DMD: variants seen among roughly 807,000 people sequenced by gnomAD.
DMD encodes the protein dystrophin, also known as mutant dystrophin.
In DMD, 63 loss-of-function variants were observed where a neutral mutation model predicts 330.1. The observed-to-expected ratio is 0.19, with a 90% CI of 0.16 to 0.24. The LOEUF (loss-of-function observed/expected upper bound fraction) is 0.24. DMD is among the 10% of genes least tolerant of loss of function. The pLI, the probability that DMD is intolerant of heterozygous loss-of-function variation, is 1.00. For synonymous variants in DMD, 1,223 were observed against 959.8 expected (o/e 1.27, Z -5.07); for missense variants, 3,344 against 2,684.1 (o/e 1.25, Z -5.43).
At chrX:31,924,104 T>C (rs2094733454) in intron 47 of DMD, among the ~76,000 whole-genome samples, 1 of 111,635 alleles carries the variant, frequency 9.0e-6, no homozygotes, top group Non-Finnish European at 1.9e-5. Flanking sequence ...AGCATTTTTT[T>C]TTCCGGGGTT....
chrX:33,087,290 A>C (rs1370087293), intron 1 of DMD, among the ~76,000 whole-genome samples: 7 of 112,608 alleles, frequency 6.2e-5, no homozygotes, highest in African/African-American at 2.3e-4. Flanking sequence ...TCTTGGTATA[A>C]AAAAGCAATA....
At chrX:32,861,534 A>C (rs2082073368) in intron 2 of DMD, among the ~76,000 whole-genome samples, 1 of 111,820 alleles carries the variant, frequency 8.9e-6, no homozygotes, top group African/African-American at 3.3e-5. Context: ...AAATGAGGGA[A>C]GGTATAATGA....
intron 74 of DMD, among the ~76,000 whole-genome samples, chrX:31,161,788 C>G (rs188558231): frequency 1.8e-5 from 2 of 111,403 alleles, no homozygotes; most frequent in Non-Finnish European, 3.8e-5. Context: ...AATCCTCCCC[C>G]CCGTCAAAAA....
At chrX:32,380,726 C>T in intron 33 of DMD, 46 bp from the exon 34 acceptor site, 9 of 1,115,233 alleles carry the variant, frequency 8.1e-6, no homozygotes, top group Non-Finnish European at 1.1e-5. Flanking sequence ...CTCTTTAATT[C>T]AAATTTCGTT....
At chrX:32,491,949 G>T (rs1371974807) in intron 19 of DMD, among the ~76,000 whole-genome samples, 5 of 111,420 alleles carry the variant, frequency 4.5e-5, no homozygotes, top group Admixed American at 1.9e-4. Flanking sequence ...TTTTAAAAAT[G>T]GGCTTGGAAA....
rs548117972 is a variant in DMD, at chrX:32,599,276, G to A, written c.1483-3400C>T. The stretch of plus-strand genomic sequence containing the variant: ...AACGTTCAGGGTTTACTTTTACACT[G>A]ATTCTTACAAGTAGCAGAAACGCCA... On this transcript the variant is annotated intron_variant, in intron 12 of 78. Transcript: ENST00000357033. Among the ~76,000 whole-genome samples the A allele has an allele frequency of 5.1e-4, 57 of 111,450 alleles. 1 individual carries two copies. The highest frequency in any genetic ancestry group is 4.6e-3 in the Middle Eastern group (1 of 218).
intron 45 of DMD, among the ~76,000 whole-genome samples, chrX:31,960,192 T>G (rs180716647): frequency 9.0e-6 from 1 of 111,079 alleles, no homozygotes; most frequent in African/African-American, 3.3e-5. Flanking sequence ...AGGACAATTT[T>G]AATAATAAGA....
At chrX:32,055,698 G>A (rs907084230) in intron 44 of DMD, among the ~76,000 whole-genome samples, 7 of 111,628 alleles carry the variant, frequency 6.3e-5, no homozygotes, top group Non-Finnish European at 9.5e-5. Flanking sequence ...AATAGTAGAC[G>A]TGATGTGAGG....
chrX:32,383,837 T>A (rs1402830071), intron 33 of DMD, among the ~76,000 whole-genome samples: 1 of 109,961 alleles, frequency 9.1e-6, no homozygotes, highest in Non-Finnish European at 1.9e-5. Flanking sequence ...AATGTCACTT[T>A]CATTGCTTTA....
intron 18 of DMD, among the ~76,000 whole-genome samples, chrX:32,516,225 G>A (rs922178217): frequency 2.7e-5 from 3 of 111,565 alleles, no homozygotes; most frequent in African/African-American, 6.5e-5. Context: ...ATCCATCATC[G>A]TAATTATGTA....
At chrX:32,937,026 C>T (rs1314110295) in intron 2 of DMD, among the ~76,000 whole-genome samples, 2 of 110,991 alleles carry the variant, frequency 1.8e-5, no homozygotes, top group Non-Finnish European at 3.8e-5. Context: ...ATCAGAGTCC[C>T]GGTAGAAACT....
At chrX:32,291,445 C>T (rs1171621662) in intron 42 of DMD, among the ~76,000 whole-genome samples, 1 of 111,389 alleles carries the variant, frequency 9.0e-6, no homozygotes, top group Non-Finnish European at 1.9e-5. Context: ...ATATATAATA[C>T]CATTAACACA....
chrX:32,485,728 C>T (rs1352211524), intron 20 of DMD, among the ~76,000 whole-genome samples: 1 of 47,030 alleles, frequency 2.1e-5, no homozygotes, highest in East Asian at 1.2e-3. Flanking sequence ...AAACAGGCAA[C>T]CACTGCTTTT....
At chrX:32,128,594 T>G (rs2146879316) in intron 44 of DMD, among the ~76,000 whole-genome samples, 1 of 112,117 alleles carries the variant, frequency 8.9e-6, no homozygotes, top group Admixed American at 9.5e-5. Context: ...CATTCAAAAC[T>G]ATTGAGTTGC....
chrX:31,817,020 T>C (rs778958246), intron 50 of DMD, among the ~76,000 whole-genome samples: 49 of 111,725 alleles, frequency 4.4e-4, no homozygotes, highest in African/African-American at 1.6e-3. Flanking sequence ...GCTTGACATG[T>C]GGACTGAAAC....
intron 17 of DMD, among the ~76,000 whole-genome samples, chrX:32,526,821 G>A (rs2046979702): frequency 8.9e-6 from 1 of 112,265 alleles, no homozygotes; most frequent in Non-Finnish European, 1.9e-5. Context: ...TGCTAATTAT[G>A]TCAGAAGAGC....
intron 7 of DMD, among the ~76,000 whole-genome samples, chrX:32,780,295 T>A (rs1407802146): frequency 1.8e-5 from 2 of 112,537 alleles, no homozygotes; most frequent in African/African-American, 6.5e-5. Context: ...GACATTCTTA[T>A]GCCCGACAGA....
chrX:32,835,981 T>C (rs1354701357), intron 4 of DMD, among the ~76,000 whole-genome samples: 1 of 111,016 alleles, frequency 9.0e-6, no homozygotes, highest in African/African-American at 3.3e-5. Flanking sequence ...GATTTTCTAT[T>C]AGCAATTATC....
At chrX:32,818,088 A>G (rs2077907499) in intron 5 of DMD, among the ~76,000 whole-genome samples, 1 of 112,006 alleles carries the variant, frequency 8.9e-6, no homozygotes. Context: ...CTCAACCTTT[A>G]TGTACAGTGA....
Sources: allele counts gnomAD v4.1 joint callset (sites outside exome capture counted in the v4.1 genomes callset), GRCh38; gene constraint gnomAD v4.1.1; transcripts MANE v1.5; gene names NCBI Gene and HGNC (gene_info 2026-07-23, HGNC 2026-07-21).